Variants in WIZ observed in about 807,000 individuals in gnomAD.
WIZ encodes the protein WIZ zinc finger, also known as protein Wiz.
Under a neutral mutation model 140.2 loss-of-function variants are expected in WIZ, and 25 were observed. The observed-to-expected ratio is 0.18, with a 90% CI of 0.13 to 0.25. WIZ has a LOEUF of 0.25. Ranked by LOEUF, WIZ falls within the 10% of genes least tolerant of loss-of-function variation. WIZ has a pLI of 1.00. For missense variants in WIZ, 2,231 were observed against 2,632.6 expected (o/e 0.85, Z 3.34); for synonymous variants, 1,125 against 1,154.3 (o/e 0.97, Z 0.51).
chr19:15,444,990 G>A (rs1599713979), intron 2 of WIZ, among the ~76,000 whole-genome samples: 1 of 152,222 alleles, frequency 6.6e-6, no homozygotes, highest in Non-Finnish European at 1.5e-5. Flanking sequence ...TAGTGGCAGT[G>A]ACTTTGGAGG....
At chr19:15,423,575 C>T (rs1295583422) in intron 12 of WIZ, among the ~76,000 whole-genome samples, 1 of 152,144 alleles carries the variant, frequency 6.6e-6, no homozygotes, top group African/African-American at 2.4e-5. Flanking sequence ...CCCAACGCAC[C>T]AAGCCCCCCA....
chr19:15,442,586 C>T lies in WIZ; in HGVS notation c.278+90G>A. ...TGGCCTCCTGATTCCCTCCTGTCCC[C>T]TTCTCATTCCCCAGGGGCTTATCTG... On this transcript the variant is annotated intron_variant, in intron 3 of 12. Coordinates refer to ENST00000673675, the MANE Select transcript of WIZ (RefSeq NM_001371589.1). The surrounding 1 kb of genome is among the most constrained non-coding windows in gnomAD (Gnocchi z 5.5). 1 of 1,025,386 alleles carries T rather than the reference C, an allele frequency of 9.8e-7. No homozygotes were observed. 63.5% of individuals were successfully genotyped at this position (1,025,386 alleles called of 1,614,324 possible). A position where few individuals can be genotyped will look rare whatever the true frequency, so the allele number is the denominator to read the frequency against.
chr19:15,446,239 C>G (rs375889879), intron 2 of WIZ, among the ~76,000 whole-genome samples: 1 of 152,150 alleles, frequency 6.6e-6, no homozygotes, highest in Admixed American at 6.5e-5. Context: ...ATGCACCTAC[C>G]TGCCTGCTTT....
chr19:15,431,736 G>A (rs1261649805), intron 5 of WIZ, among the ~76,000 whole-genome samples: 1 of 152,234 alleles, frequency 6.6e-6, no homozygotes, highest in Non-Finnish European at 1.5e-5. Flanking sequence ...GGCCCTAAGT[G>A]GGGTAAGGTG....
chr19:15,445,753 G>A (rs915104830), intron 2 of WIZ, among the ~76,000 whole-genome samples: 1 of 152,186 alleles, frequency 6.6e-6, no homozygotes, highest in Non-Finnish European at 1.5e-5. Context: ...AGCTGCAGAG[G>A]GGGTGTGGGA....
At chr19:15,447,340 T>C (rs1001495067) in intron 2 of WIZ, among the ~76,000 whole-genome samples, 1 of 152,192 alleles carries the variant, frequency 6.6e-6, no homozygotes, top group African/African-American at 2.4e-5. Context: ...CAAATGCCAC[T>C]CTATCAGGGA....
chr19:15,446,202 C>T (rs1280982673), intron 2 of WIZ, among the ~76,000 whole-genome samples: 1 of 152,162 alleles, frequency 6.6e-6, no homozygotes, highest in Non-Finnish European at 1.5e-5. Flanking sequence ...GTATGAGACC[C>T]TGGGTGATTC....
At position 15,436,910 on chromosome 19, in the gene WIZ, C is replaced by T. The variant is rs749076961; in HGVS notation, c.2636G>A (p.Gly879Glu). The T allele has an allele frequency of 1.2e-5, 20 of 1,612,760 alleles. No individual in the cohort carries two copies. In the South Asian group the frequency reaches 1.8e-4, roughly 14 times the overall value. The change falls in exon 5 of 13, where the codon GGG (glycine) becomes GAG (glutamate). Residue 879 changes from glycine (G) to glutamate (E), a missense_variant. This residue lies in a region of WIZ where 137 missense variants were observed against 135.8 expected (regional missense o/e 1.01). Coordinates refer to ENST00000673675, the MANE Select transcript of WIZ (RefSeq NM_001371589.1). ...GGTCAGGAAGCTGCCAGGCGGACCC[C>T]CAGGCTCTCGGCCCAGGGGGCTGGG... Reference protein sequence around the residue: ...QPPSPLGREPGGPPGSFLTSR... With the variant: ...QPPSPLGREPEGPPGSFLTSR...
chr19:15,439,485 A>G lies in WIZ; in HGVS notation c.1509T>C (p.Pro503=), dbSNP rs767238768. 1.3e-6 allele frequency: 2 copies of G among 1,535,090 alleles called. No individual in the cohort carries two copies. Among genetic ancestry groups the G allele is most frequent in the Middle Eastern group, 1.7e-4 (1 of 5,986 alleles). Residue 503 remains proline (P), a synonymous_variant, in exon 4 of 13, where the codon CCT becomes CCC. Coordinates refer to ENST00000673675, the MANE Select transcript of WIZ (RefSeq NM_001371589.1). The surrounding 1 kb of genome is among the most constrained non-coding windows in gnomAD (Gnocchi z 7.0). ...EEDGEAYEED[P]ASQPGTSQDA... is the part of the protein sequence containing the mutation. Reference sequence around the variant, plus strand: ...CCTGGCTAGTGCCTGGCTGGCTGGCAGGGTCTTCCTCATAAGCCTCGCCAT... The same window carrying G: ...CCTGGCTAGTGCCTGGCTGGCTGGCGGGGTCTTCCTCATAAGCCTCGCCAT...
intron 4 of WIZ, among the ~76,000 whole-genome samples, chr19:15,437,738 T>C (rs1969569148): frequency 6.6e-6 from 1 of 152,226 alleles, no homozygotes; most frequent in South Asian, 2.1e-4. Context: ...TTAATAGCCT[T>C]CTCGTGACTA....
At chr19:15,449,775 C>G (rs966553905) in intron 1 of WIZ, 23 bp downstream of exon 1, 1 of 146,474 alleles carries the variant, frequency 6.8e-6, no homozygotes, top group Non-Finnish European at 1.5e-5. Flanking sequence ...CCCGCGGGCT[C>G]CCCAGGCCGG....
intron 4 of WIZ, among the ~76,000 whole-genome samples, chr19:15,437,994 GACACACACACAC>G (rs140038466): frequency 4.6e-5 from 7 of 150,544 alleles, no homozygotes; most frequent in Admixed American, 4.6e-4. Context: ...CTAGTGCGTA[GACACACACACAC>G]ACACACGCAC....
chr19:15,449,726 G>A (rs1028867327), intron 1 of WIZ, 72 bp downstream of exon 1: 2 of 109,462 alleles, frequency 1.8e-5, no homozygotes, highest in South Asian at 6.6e-4. Context: ...GGCCCGGCCC[G>A]GCCCGGGGCC....
rs1467345269 is a variant in WIZ at position 15,427,132 on chromosome 19, C to G, written c.4216G>C (p.Ala1406Pro). Residue 1406 changes from alanine (A) to proline (P), a missense_variant, in exon 9 of 13, where the codon GCT (alanine) becomes CCT (proline). Physicochemically the swap from Ala to Pro is conservative, Grantham distance 27 (BLOSUM62 -1). Coordinates refer to ENST00000673675, the MANE Select transcript of WIZ (RefSeq NM_001371589.1). This position sits in a 1 kb window ranked among gnomAD's most constrained non-coding sequence, Gnocchi z 6.4. ...AGCTTCTTGGGCAAGGAGGGTGCAG[C>G]CAGGCCTGGGAACATCTTTCGGGCC... ...PTARKMFPGL[A>P]APSLPKKLKP... 1 of 1,614,178 alleles carries G rather than the reference C, an allele frequency of 6.2e-7. No homozygotes were observed. The highest frequency in any genetic ancestry group is 1.7e-5 in the Admixed American group (1 of 60,026).
Position 15,448,215 on chromosome 19 carries a change from C to G in WIZ, c.93G>C (p.Glu31Asp). Residue 31 changes from glutamate to aspartate, a missense_variant, in exon 2 of 13, where the codon GAG becomes GAC. Glu to Asp is a conservative substitution (Grantham distance 45, BLOSUM62 2). Transcript: ENST00000673675. ...LPGPAPRENI[E>D]GGAEAAEGEG... Reference sequence around the variant, plus strand: ...CCCCCTCAGCAGCTTCGGCCCCACCCTCGATGTTCTCCCTTGGCGCCGGGC... The same window carrying G: ...CCCCCTCAGCAGCTTCGGCCCCACCGTCGATGTTCTCCCTTGGCGCCGGGC... 1 of 1,613,418 alleles carries G rather than the reference C, an allele frequency of 6.2e-7. No homozygotes were observed. Among genetic ancestry groups the G allele is most frequent in the Non-Finnish European group, 8.5e-7 (1 of 1,179,616 alleles).
Position 15,422,705 on chromosome 19 carries a change from G to A in WIZ, c.*371C>T. ...GGGGGAGAGAGGGAACCAGAACAGG[G>A]GTCTTTGGGGTCTTTGCAAATGGCC... On this transcript the variant is annotated 3_prime_UTR_variant, in exon 13 of 13. Transcript: ENST00000673675. 1 of 287,118 alleles carries A rather than the reference G, an allele frequency of 3.5e-6. No individual in the cohort carries two copies. The highest frequency in any genetic ancestry group is 6.6e-6 in the Non-Finnish European group (1 of 150,646). 17.8% of individuals were successfully genotyped at this position (287,118 alleles called of 1,614,324 possible). A position where few individuals can be genotyped will look rare whatever the true frequency, so the allele number is the denominator to read the frequency against.
chr19:15,433,778 C>A (rs934299952), intron 5 of WIZ, among the ~76,000 whole-genome samples: 1 of 152,202 alleles, frequency 6.6e-6, no homozygotes, highest in Non-Finnish European at 1.5e-5. Flanking sequence ...CCCCACTCTG[C>A]CCCTTCCTGA....
At chr19:15,448,747 A>G (rs538866349) in intron 1 of WIZ, among the ~76,000 whole-genome samples, 5 of 152,200 alleles carry the variant, frequency 3.3e-5, no homozygotes, top group African/African-American at 9.6e-5. Context: ...ATGCACACGC[A>G]CATCCTACTG....
chr19:15,426,966 G>A lies in WIZ; in HGVS notation c.4366+16C>T. ...CTCCAACTGTTCTCCCTGCCCTACTGCAGGGTCACACTTACACAGGTTCAG... is the reference window on the plus strand; with the variant it reads ...CTCCAACTGTTCTCCCTGCCCTACTACAGGGTCACACTTACACAGGTTCAG... On this transcript the variant is annotated intron_variant, in intron 9 of 12. Coordinates refer to ENST00000673675, the MANE Select transcript of WIZ (RefSeq NM_001371589.1). 1 of 1,593,852 alleles carries A rather than the reference G, an allele frequency of 6.3e-7. No homozygotes were observed. Among genetic ancestry groups the A allele is most frequent in the South Asian group, 1.1e-5 (1 of 88,604 alleles).
Sources: gnomAD v4.1 joint callset for allele counts (sites outside exome capture counted in the v4.1 genomes callset) on GRCh38, gnomAD v4.1.1 for gene constraint, gnomAD v4.1.1 regional missense constraint, Gnocchi (gnomAD v3.1) non-coding constraint, MANE v1.5 for transcripts, NCBI Gene and HGNC (gene_info 2026-07-23, HGNC 2026-07-21) for gene names.